Variants in MYO5B observed in about 807,000 individuals in gnomAD.
The protein encoded by MYO5B is myosin VB.
A neutral mutation model predicts 229.3 loss-of-function variants in MYO5B; 143 were observed. The ratio of observed to expected loss-of-function variants is 0.62; its 90% CI spans 0.54 to 0.72. The LOEUF is 0.72. Among genes scored for constraint, MYO5B ranks in the 30% least tolerant of loss-of-function variants. MYO5B has a pLI of 0.00. For missense variants in MYO5B, 2,321 were observed against 2,331.0 expected (o/e 1.00, Z 0.09); for synonymous variants, 918 against 885.2 (o/e 1.04, Z -0.66).
intron 1 of MYO5B, among the ~76,000 whole-genome samples, chr18:50,148,875 G>A (rs957959795): frequency 5.3e-5 from 8 of 152,174 alleles, no homozygotes; most frequent in African/African-American, 1.9e-4. Flanking sequence ...ATTCAATTAG[G>A]AAAAGAGGAA....
At chr18:49,926,471 C>T (rs1439846509) in intron 17 of MYO5B, among the ~76,000 whole-genome samples, 1 of 152,200 alleles carries the variant, frequency 6.6e-6, no homozygotes, top group African/African-American at 2.4e-5. Context: ...ACAGAGGGTC[C>T]CAGTGGGACA....
chr18:49,939,347 T>C (rs1418137050), intron 14 of MYO5B, among the ~76,000 whole-genome samples: 5 of 152,066 alleles, frequency 3.3e-5, no homozygotes, highest in Non-Finnish European at 7.4e-5. Flanking sequence ...GGTTTCACCA[T>C]GTTGGCCAGG....
Position 49,857,892 on chromosome 18 carries a change from G to A in MYO5B, c.3945-1002C>T, listed in dbSNP as rs547877750. Among the ~76,000 whole-genome samples the A allele has an allele frequency of 7.8e-4, 119 of 152,288 alleles. 5 individuals carry two copies. In the South Asian group the frequency reaches 0.018, roughly 23 times the overall value. On this transcript the variant is annotated intron_variant, in intron 29 of 39. Transcript: ENST00000285039. ...CTGCTGCCCCCAGCAGGACTCTGCC[G>A]CACCTCCCTGCTCCTAACAGCCTCT...
At chr18:49,939,153 T>TC (rs1568038925) in intron 14 of MYO5B, among the ~76,000 whole-genome samples, 38 of 147,904 alleles carry the variant, frequency 2.6e-4, no homozygotes, top group African/African-American at 8.4e-4. Context: ...TTTTTCTTTT[T>TC]TTTTTTTTTT....
chr18:49,870,019 G>T (rs777049135), intron 27 of MYO5B, among the ~76,000 whole-genome samples: 1 of 152,216 alleles, frequency 6.6e-6, no homozygotes, highest in Admixed American at 6.5e-5. Flanking sequence ...TGGGAAAGGC[G>T]GGTGAAGGTT....
Position 49,872,239 on chromosome 18 carries a change from G to T in MYO5B, c.3538-7C>A. On this transcript the variant is annotated splice_polypyrimidine_tract_variant and splice_region_variant and intron_variant, in intron 26 of 39. Coordinates refer to ENST00000285039, the MANE Select transcript of MYO5B (RefSeq NM_001080467.3). ...CAGTCTGTGGTGGTTCCGCCTGCAT[G>T]GATAGAGACACAAAGATAAGTGCAG... The T allele has an allele frequency of 6.2e-7, 1 of 1,613,848 alleles. No homozygotes were observed. The highest frequency in any genetic ancestry group is 8.5e-7 in the Non-Finnish European group (1 of 1,179,752).
chr18:49,902,915 G>A, intron 20 of MYO5B, 82 bp from the exon 21 acceptor site: 1 of 1,547,952 alleles, frequency 6.5e-7, no homozygotes, highest in African/African-American at 1.4e-5. Context: ...TGCCTGTGGA[G>A]GGAAGAGGCC....
chr18:50,043,847 G>T lies in MYO5B; in HGVS notation c.139-3533C>A, dbSNP rs186759959. ...TCATAAGCAGGAGCTAAGCTATGAGGATGCAAAGGCATAAAAATGATACAA... is the reference window on the plus strand; with the variant it reads ...TCATAAGCAGGAGCTAAGCTATGAGTATGCAAAGGCATAAAAATGATACAA... On this transcript the variant is annotated intron_variant, in intron 2 of 39. Transcript: ENST00000285039. Among the ~76,000 whole-genome samples, 242 of 151,724 alleles carry T rather than the reference G, an allele frequency of 1.6e-3. 2 individuals carry two copies. The highest frequency in any genetic ancestry group is 5.9e-4 in the Non-Finnish European group (40 of 67,954).
intron 8 of MYO5B, among the ~76,000 whole-genome samples, chr18:49,981,664 G>A (rs914079743): frequency 6.6e-6 from 1 of 152,206 alleles, no homozygotes; most frequent in Admixed American, 6.5e-5. Flanking sequence ...AACACTGCCT[G>A]GAACATAGCA....
intron 32 of MYO5B, 105 bp from the exon 33 acceptor site, chr18:49,847,394 G>T: frequency 7.1e-7 from 1 of 1,410,168 alleles, no homozygotes; most frequent in Non-Finnish European, 9.7e-7. Context: ...GGCAGGGGAA[G>T]GGGCATCTCT....
At chr18:50,064,815 C>T (rs1413535726) in intron 1 of MYO5B, among the ~76,000 whole-genome samples, 1 of 152,166 alleles carries the variant, frequency 6.6e-6, no homozygotes, top group Non-Finnish European at 1.5e-5. Flanking sequence ...AAACCTGTTC[C>T]ATTCCTTGAC....
chr18:50,004,386 C>A (rs2026079250), intron 4 of MYO5B, among the ~76,000 whole-genome samples: 1 of 152,260 alleles, frequency 6.6e-6, no homozygotes, highest in African/African-American at 2.4e-5. Flanking sequence ...ACACTTGAGG[C>A]TCTTTTGGGG....
chr18:49,837,438 G>T, intron 37 of MYO5B, 79 bp downstream of exon 37: 2 of 1,521,490 alleles, frequency 1.3e-6, no homozygotes, highest in Non-Finnish European at 1.8e-6. Context: ...TTTAGAAACA[G>T]CAGTCTTGTG....
At chr18:49,912,631 C>T (rs1458101339) in intron 17 of MYO5B, among the ~76,000 whole-genome samples, 2 of 152,168 alleles carry the variant, frequency 1.3e-5, no homozygotes, top group East Asian at 3.8e-4. Context: ...TTTCCCTTTT[C>T]ACTTGGTTCT....
chr18:49,921,640 G>T (rs1394828310), intron 17 of MYO5B, among the ~76,000 whole-genome samples: 1 of 152,192 alleles, frequency 6.6e-6, no homozygotes, highest in Non-Finnish European at 1.5e-5. Flanking sequence ...GGAACACCCG[G>T]CAGCTACTGC....
chr18:50,039,695 G>T (rs1568081558), intron 3 of MYO5B, among the ~76,000 whole-genome samples: 1 of 152,162 alleles, frequency 6.6e-6, no homozygotes, highest in African/African-American at 2.4e-5. Flanking sequence ...TATGAATTTT[G>T]CTCACTATTT....
chr18:50,063,104 A>G (rs1413501434), intron 1 of MYO5B, among the ~76,000 whole-genome samples: 1 of 152,128 alleles, frequency 6.6e-6, no homozygotes, highest in Non-Finnish European at 1.5e-5. Context: ...CCTCTAGGAG[A>G]GCACAGCCAG....
At chr18:50,052,070 G>T (rs772985811) in intron 2 of MYO5B, among the ~76,000 whole-genome samples, 8 of 152,156 alleles carry the variant, frequency 5.3e-5, no homozygotes, top group Non-Finnish European at 1.0e-4. Flanking sequence ...TGCTGGAGAG[G>T]ATGTGGAGAA....
chr18:49,915,815 G>A (rs1274484465), intron 17 of MYO5B, among the ~76,000 whole-genome samples: 1 of 152,210 alleles, frequency 6.6e-6, no homozygotes, highest in Non-Finnish European at 1.5e-5. Context: ...CCCATCAGAT[G>A]TGTGTTTTAA....
Sources: gnomAD v4.1 joint callset for allele counts (sites outside exome capture counted in the v4.1 genomes callset) on GRCh38, gnomAD v4.1.1 for gene constraint, MANE v1.5 for transcripts, NCBI Gene and HGNC (gene_info 2026-07-23, HGNC 2026-07-21) for gene names.